FER1L6: variants seen among roughly 807,000 people sequenced by gnomAD.
FER1L6 encodes fer-1-like protein 6.
A neutral mutation model predicts 219.2 loss-of-function variants in FER1L6; 177 were observed. The observed-to-expected ratio is 0.81, with a 90% CI of 0.71 to 0.91. The LOEUF is 0.91. FER1L6 is among the 40% of genes least tolerant of loss of function. The pLI is 0.00. For synonymous variants in FER1L6, 768 were observed against 824.3 expected (o/e 0.93, Z 1.17); for missense variants, 2,153 against 2,259.9 (o/e 0.95, Z 0.96).
rs559970604 is a variant in FER1L6 at position 123,914,350 on chromosome 8, G to A, written c.-7-41642G>A. 2.4e-4 allele frequency among the ~76,000 whole-genome samples: 36 copies of A among 152,296 alleles called. 1 individual carries two copies. The South Asian group carries it at 7.3e-3, about 31-fold the overall frequency. On this transcript the variant is annotated intron_variant, in intron 1 of 40. Coordinates refer to ENST00000522917, the MANE Select transcript of FER1L6 (RefSeq NM_001039112.2). ...TGAGCCTGAAAGCATTTAGCTTTTG[G>A]CTCTGTCATTGACGGGGAAAAAGAC...
At chr8:124,058,288 C>A (rs1251827272) in intron 22 of FER1L6, among the ~76,000 whole-genome samples, 1 of 152,174 alleles carries the variant, frequency 6.6e-6, no homozygotes, top group Non-Finnish European at 1.5e-5. Flanking sequence ...GGAACTGAAG[C>A]TGGACCTACT....
At chr8:124,027,039 C>T (rs2130663140) in intron 18 of FER1L6, among the ~76,000 whole-genome samples, 1 of 152,274 alleles carries the variant, frequency 6.6e-6, no homozygotes, top group East Asian at 1.9e-4. Flanking sequence ...GCGCCAATCT[C>T]CATATGACAT....
rs191829952 is a variant in FER1L6, at chr8:123,854,578, T to C, written c.-8+2393T>C. On this transcript the variant is annotated intron_variant, in intron 1 of 40. Coordinates refer to ENST00000522917, the MANE Select transcript of FER1L6 (RefSeq NM_001039112.2). Reference sequence around the variant, plus strand: ...GGGCCAATGGAGGAGGTGTTCCCATTTCAGGAATGTGAATAGAACAGGGGA... The same window carrying C: ...GGGCCAATGGAGGAGGTGTTCCCATCTCAGGAATGTGAATAGAACAGGGGA... Among the ~76,000 whole-genome samples, 6 of 152,298 alleles carry C rather than the reference T, an allele frequency of 3.9e-5. No homozygotes were observed. In the East Asian group the frequency reaches 1.2e-3, roughly 29 times the overall value.
intron 22 of FER1L6, among the ~76,000 whole-genome samples, chr8:124,050,073 G>C (rs1020839464): frequency 2.0e-5 from 3 of 152,184 alleles, no homozygotes; most frequent in Admixed American, 6.5e-5. Flanking sequence ...ACAAAACAGA[G>C]AGGAAGCAAA....
Position 123,963,360 on chromosome 8 carries a change from T to G in FER1L6, c.159T>G (p.Ala53=). 1.9e-6 allele frequency: 3 copies of G among 1,614,162 alleles called. No homozygotes were observed. Among genetic ancestry groups the G allele is most frequent in the African/African-American group, 1.3e-5 (1 of 75,058 alleles). ...GPRGDLVHDD[A]SIFPVPSASP... ...GAGGAGATTTGGTCCATGATGATGC[T>G]TCTATCTTTCCTGTCCCCTCAGCTT... is the stretch of plus-strand genomic sequence containing the variant. The change falls in exon 3 of 41, where the codon GCT becomes GCG. Residue 53 remains alanine, a synonymous_variant. Coordinates refer to ENST00000522917, the MANE Select transcript of FER1L6 (RefSeq NM_001039112.2).
intron 1 of FER1L6, among the ~76,000 whole-genome samples, chr8:123,876,662 G>T (rs1041142410): frequency 2.0e-5 from 3 of 151,938 alleles, no homozygotes; most frequent in Non-Finnish European, 4.4e-5. Flanking sequence ...CCACCTTACA[G>T]AAAAAAAGCA....
intron 32 of FER1L6, among the ~76,000 whole-genome samples, chr8:124,081,151 TC>T (rs1821530216): frequency 6.6e-6 from 1 of 152,000 alleles, no homozygotes; most frequent in African/African-American, 2.4e-5. Flanking sequence ...TTCTCCTTCC[TC>T]CCCCTCCTCT....
chr8:123,893,023 G>A (rs1034794719), intron 1 of FER1L6, among the ~76,000 whole-genome samples: 1 of 152,106 alleles, frequency 6.6e-6, no homozygotes, highest in Non-Finnish European at 1.5e-5. Context: ...TTTAATACAT[G>A]TTGTCAGTAA....
chr8:124,078,344 A>T (rs1821382498), intron 32 of FER1L6, among the ~76,000 whole-genome samples: 1 of 152,116 alleles, frequency 6.6e-6, no homozygotes, highest in South Asian at 2.1e-4. Flanking sequence ...AGTTTCCCAG[A>T]ATGTTTGCCA....
intron 6 of FER1L6, among the ~76,000 whole-genome samples, chr8:123,972,560 T>C (rs1051187438): frequency 1.3e-5 from 2 of 152,214 alleles, no homozygotes; most frequent in Non-Finnish European, 2.9e-5. Context: ...TTTGCAGTGA[T>C]AGGGAGGTCG....
At chr8:123,973,155 A>G (rs1006010414) in intron 6 of FER1L6, among the ~76,000 whole-genome samples, 3 of 152,196 alleles carry the variant, frequency 2.0e-5, no homozygotes, top group Admixed American at 6.5e-5. Flanking sequence ...TTCAGCAGGA[A>G]GAGATGGGTG....
intron 1 of FER1L6, among the ~76,000 whole-genome samples, chr8:123,896,063 C>T (rs910472968): frequency 6.6e-6 from 1 of 152,118 alleles, no homozygotes. Context: ...GTTCTGGAGG[C>T]AGCCGCTCTA....
chr8:123,920,549 C>T (rs1205702919), intron 1 of FER1L6, among the ~76,000 whole-genome samples: 2 of 152,206 alleles, frequency 1.3e-5, no homozygotes, highest in African/African-American at 4.8e-5. Context: ...CCAGGAGGGC[C>T]CACGTCTAGC....
At chr8:124,068,771 G>T (rs997943965) in intron 28 of FER1L6, among the ~76,000 whole-genome samples, 1 of 152,120 alleles carries the variant, frequency 6.6e-6, no homozygotes, top group South Asian at 2.1e-4. Flanking sequence ...CATAGATTAG[G>T]GCCATTGCCC....
chr8:124,030,760 C>T (rs1308783885), intron 18 of FER1L6, among the ~76,000 whole-genome samples: 1 of 152,136 alleles, frequency 6.6e-6, no homozygotes, highest in African/African-American at 2.4e-5. Context: ...CTCTGTCCTG[C>T]CACAGAGTAA....
chr8:124,042,646 G>T (rs1819555963), intron 20 of FER1L6, among the ~76,000 whole-genome samples: 1 of 152,130 alleles, frequency 6.6e-6, no homozygotes, highest in African/African-American at 2.4e-5. Flanking sequence ...GTCTGCAGGT[G>T]ACATGCCCCC....
At position 124,081,605 on chromosome 8, in the gene FER1L6, C is replaced by CAAAA. The variant is rs1243602409; in HGVS notation, c.4221-666_4221-663dup. On this transcript the variant is annotated intron_variant, in intron 32 of 40. Coordinates refer to ENST00000522917, the MANE Select transcript of FER1L6 (RefSeq NM_001039112.2). ...GTGCAGGCTCCAGCAATGCAGAGAC[C>CAAAA]AAAAAAAAAAAAAAAAAAAAGGGCA... Among the ~76,000 whole-genome samples, 6 of 52,992 alleles carry CAAAA rather than the reference C, an allele frequency of 1.1e-4. 1 individual carries two copies. Among genetic ancestry groups the CAAAA allele is most frequent in the South Asian group, 7.3e-4 (1 of 1,366 alleles). 34.8% of individuals were successfully genotyped at this position (52,992 alleles called of 152,430 possible).
chr8:124,103,010 T>C lies in FER1L6; in HGVS notation c.5126-136T>C, dbSNP rs999991906. ...ATTTGTACTCCCAATACCTAGCACATAGTTGTGATCCAATATGGTACTGAT... is the reference window on the plus strand; with the variant it reads ...ATTTGTACTCCCAATACCTAGCACACAGTTGTGATCCAATATGGTACTGAT... On this transcript the variant is annotated intron_variant, in intron 38 of 40. Transcript: ENST00000522917. The C allele has an allele frequency of 7.4e-6, 6 of 808,714 alleles. No homozygotes were observed. In the African/African-American group the frequency reaches 8.5e-5, roughly 12 times the overall value. 50.1% of individuals were successfully genotyped at this position (808,714 alleles called of 1,614,324 possible). A position where few individuals can be genotyped will look rare whatever the true frequency, so the allele number is the denominator to read the frequency against.
rs148453991 is a variant in FER1L6 at position 123,954,822 on chromosome 8, C to T, written c.-7-1170C>T. Among the ~76,000 whole-genome samples, 786 of 152,254 alleles carry T rather than the reference C, an allele frequency of 5.2e-3. 9 individuals are homozygous for T. The highest frequency in any genetic ancestry group is 0.018 in the African/African-American group (733 of 41,520). ...ACTGTGATTGTTCCGCTGCTTTTCA[C>T]GTTCAAGGCCCACAGATATTCACTG... On this transcript the variant is annotated intron_variant, in intron 1 of 40. Coordinates refer to ENST00000522917, the MANE Select transcript of FER1L6 (RefSeq NM_001039112.2).
Sources: gnomAD v4.1 joint callset for allele counts (sites outside exome capture counted in the v4.1 genomes callset) on GRCh38, gnomAD v4.1.1 for gene constraint, MANE v1.5 for transcripts, NCBI Gene and HGNC (gene_info 2026-07-23, HGNC 2026-07-21) for gene names.